PATJ: variants seen among roughly 807,000 people sequenced by gnomAD.
PATJ encodes the protein inaD-like protein.
A neutral mutation model predicts 224.9 loss-of-function variants in PATJ; 190 were observed. The ratio of observed to expected loss-of-function variants is 0.84; its 90% confidence interval spans 0.75 to 0.95. The LOEUF is 0.95. PATJ is among the 40% of genes least tolerant of loss of function. The pLI, the probability that PATJ is intolerant of heterozygous loss-of-function variation, is 0.00. For missense variants in PATJ, 2,121 were observed against 2,270.3 expected, an observed-to-expected ratio of 0.93 and a Z score of 1.34; for synonymous variants, 769 against 820.3, an observed-to-expected ratio of 0.94 and a Z score of 1.07.
intron 42 of PATJ, among the ~76,000 whole-genome samples, chr1:62,152,810 C>T (rs966961620): frequency 7.9e-5 from 12 of 152,186 alleles, no homozygotes; most frequent in South Asian, 2.1e-4. Flanking sequence ...AAGGATGTGA[C>T]GACAGCTTCC....
chr1:61,995,563 C>T (rs750824221), intron 28 of PATJ, among the ~76,000 whole-genome samples: 17 of 152,136 alleles, frequency 1.1e-4, no homozygotes, highest in South Asian at 2.1e-4. Context: ...TTTGTTGCTG[C>T]GGGACTGCAC....
chr1:61,867,112 G>A (rs1052514412), intron 20 of PATJ, among the ~76,000 whole-genome samples: 2 of 152,010 alleles, frequency 1.3e-5, no homozygotes, highest in Non-Finnish European at 2.9e-5. Flanking sequence ...TGCCAACATC[G>A]TGTCTCATCC....
At chr1:61,904,470 T>G (rs1298390208) in intron 24 of PATJ, among the ~76,000 whole-genome samples, 1 of 152,244 alleles carries the variant, frequency 6.6e-6, no homozygotes, top group African/African-American at 2.4e-5. Context: ...TTGATTTGTG[T>G]GTGTGTTTGT....
chr1:61,946,486 G>T lies in PATJ; in HGVS notation c.3670+18657G>T, dbSNP rs566631813. On this transcript the variant is annotated intron_variant, in intron 27 of 43. Transcript: ENST00000642238. ...ATCTAGAAGAAATGGATAAATTCCTGGACACATACACCCTCCCAAGACTAA... is the reference window on the plus strand; with the variant it reads ...ATCTAGAAGAAATGGATAAATTCCTTGACACATACACCCTCCCAAGACTAA... Among the ~76,000 whole-genome samples the T allele has an allele frequency of 5.9e-5, 9 of 151,310 alleles. No individual in the cohort carries two copies. The South Asian group carries it at 1.7e-3, about 28-fold the overall frequency.
At chr1:61,838,993 ATTG>A (rs978103420) in intron 17 of PATJ, among the ~76,000 whole-genome samples, 12 of 152,222 alleles carry the variant, frequency 7.9e-5, no homozygotes, top group African/African-American at 2.9e-4. Flanking sequence ...AGATACTCTT[ATTG>A]TTGTCATTTT....
chr1:61,886,341 C>A (rs1453701552), intron 22 of PATJ, among the ~76,000 whole-genome samples: 3 of 152,152 alleles, frequency 2.0e-5, no homozygotes, highest in Non-Finnish European at 4.4e-5. Context: ...TCCTCACAGG[C>A]TATGTTCACA....
At chr1:62,097,957 C>T (rs1661592159) in intron 33 of PATJ, among the ~76,000 whole-genome samples, 1 of 152,144 alleles carries the variant, frequency 6.6e-6, no homozygotes, top group Non-Finnish European at 1.5e-5. Flanking sequence ...AATTTTAGAA[C>T]TGGAATGACT....
intron 28 of PATJ, chr1:61,991,715 G>T: frequency 1.0e-6 from 1 of 983,590 alleles, no homozygotes; most frequent in Non-Finnish European, 1.2e-6. Flanking sequence ...ACATTGGGTC[G>T]TAACACTGAC....
chr1:61,871,427 A>C (rs372907483), intron 20 of PATJ, among the ~76,000 whole-genome samples: 4 of 59,782 alleles, frequency 6.7e-5, no homozygotes, highest in Non-Finnish European at 1.2e-4. Flanking sequence ...ATATATGTAC[A>C]TATATATGTG....
chr1:61,943,668 G>A (rs867944048), intron 27 of PATJ, among the ~76,000 whole-genome samples: 3 of 152,206 alleles, frequency 2.0e-5, no homozygotes, highest in Non-Finnish European at 4.4e-5. Flanking sequence ...GCAGGGCATA[G>A]CTGAACAAAA....
At chr1:61,956,052 A>T (rs1002366089) in intron 27 of PATJ, among the ~76,000 whole-genome samples, 1 of 152,246 alleles carries the variant, frequency 6.6e-6, no homozygotes, top group African/African-American at 2.4e-5. Flanking sequence ...CACAAACCAC[A>T]TGAAGCTGAA....
intron 42 of PATJ, 46 bp downstream of exon 42, chr1:62,148,436 C>A: frequency 7.2e-7 from 1 of 1,379,982 alleles, no homozygotes; most frequent in Non-Finnish European, 1.0e-6. Flanking sequence ...GTGGGCAAAG[C>A]TCGGAAGAAC....
At chr1:62,049,278 C>G (rs1653144837) in intron 30 of PATJ, among the ~76,000 whole-genome samples, 1 of 145,324 alleles carries the variant, frequency 6.9e-6, no homozygotes, top group South Asian at 2.2e-4. Flanking sequence ...CACACACACA[C>G]ACAGAGTATT....
intron 26 of PATJ, among the ~76,000 whole-genome samples, chr1:61,921,187 G>A (rs141902154): frequency 6.6e-6 from 1 of 151,972 alleles, no homozygotes; most frequent in Non-Finnish European, 1.5e-5. Flanking sequence ...TGAACCCATG[G>A]GACAACTTTA....
chr1:62,119,879 G>A (rs1221647666), intron 37 of PATJ, among the ~76,000 whole-genome samples: 1 of 152,164 alleles, frequency 6.6e-6, no homozygotes, highest in Non-Finnish European at 1.5e-5. Flanking sequence ...GGGAGGCGGA[G>A]GTTGCAGTGA....
chr1:62,055,117 A>G (rs1654323936), intron 31 of PATJ, among the ~76,000 whole-genome samples: 1 of 152,188 alleles, frequency 6.6e-6, no homozygotes, highest in African/African-American at 2.4e-5. Flanking sequence ...TGTGATCTTA[A>G]TCTTATCCCC....
intron 30 of PATJ, among the ~76,000 whole-genome samples, chr1:62,047,871 T>TA (rs1453828342): frequency 1.3e-5 from 2 of 152,166 alleles, no homozygotes; most frequent in East Asian, 3.8e-4. Flanking sequence ...ATTTTCTGGT[T>TA]AAAAAAATCC....
At chr1:62,012,371 A>T (rs527262685) in intron 28 of PATJ, among the ~76,000 whole-genome samples, 14 of 152,356 alleles carry the variant, frequency 9.2e-5, no homozygotes, top group African/African-American at 3.1e-4. Context: ...TCTAAATGAG[A>T]TACTGTGCAT....
rs776660442 is a variant in PATJ at position 61,801,767 on chromosome 1, T to A, written c.1547T>A (p.Leu516Ter). The A allele has an allele frequency of 1.3e-6, 2 of 1,580,078 alleles. No individual in the cohort carries two copies. The highest frequency in any genetic ancestry group is 1.7e-6 in the Non-Finnish European group (2 of 1,163,066). The change falls in exon 12 of 44, where the codon TTG becomes TAG. Residue 516 changes from leucine (L) to a stop codon, truncating the protein, a stop_gained and splice_region_variant. Coordinates refer to ENST00000642238, the MANE Select transcript of PATJ (RefSeq NM_001350145.3). LOFTEE classifies it high-confidence loss of function. ...KNDNIQALEKLEKVPDSPENE... is the reference protein window; with the variant it reads ...KNDNIQALEK ...GACAACATACAAGCCTTAGAAAAATTGGGTAGGCACAAAGCATTCACTTTG... is the reference window on the plus strand; with the variant it reads ...GACAACATACAAGCCTTAGAAAAATAGGGTAGGCACAAAGCATTCACTTTG...
Sources: gnomAD v4.1 joint callset for allele counts (sites outside exome capture counted in the v4.1 genomes callset) on GRCh38, gnomAD v4.1.1 for gene constraint, MANE v1.5 for transcripts, NCBI Gene and HGNC (gene_info 2026-07-23, HGNC 2026-07-21) for gene names.